Variants in UNC13C observed in about 807,000 individuals in gnomAD.
UNC13C encodes the protein unc-13 homolog C.
Under a neutral mutation model 245.4 loss-of-function variants are expected in UNC13C, and 174 were observed. The ratio of observed to expected loss-of-function variants is 0.71; its 90% CI spans 0.63 to 0.80. The LOEUF (loss-of-function observed/expected upper bound fraction) is 0.80. Among genes scored for constraint, UNC13C ranks in the 30% least tolerant of loss-of-function variants. The pLI is 0.00. For synonymous variants in UNC13C, 992 were observed against 895.1 expected, an observed-to-expected ratio of 1.11 and a Z score of -1.93; for missense variants, 2,829 against 2,602.9, an observed-to-expected ratio of 1.09 and a Z score of -1.89.
At chr15:54,174,233 A>G (rs536169270) in intron 4 of UNC13C, among the ~76,000 whole-genome samples, 2 of 152,236 alleles carry the variant, frequency 1.3e-5, no homozygotes, top group South Asian at 4.1e-4. Flanking sequence ...ATAAAGAGGT[A>G]TTCTTTCTTC....
Position 54,300,392 on chromosome 15 carries a change from T to C in UNC13C, c.4268+19T>C. 1 of 1,552,788 alleles carries C rather than the reference T, an allele frequency of 6.4e-7. No homozygotes were observed. Among genetic ancestry groups the C allele is most frequent in the Non-Finnish European group, 8.7e-7 (1 of 1,146,160 alleles). ...CTATGACGTAAGTACTACAGAACAT[T>C]TACATGGTCAATATCTCTATTAAAA... On this transcript the variant is annotated intron_variant, in intron 13 of 32. Coordinates refer to ENST00000260323, the MANE Select transcript of UNC13C (RefSeq NM_001080534.3).
intron 2 of UNC13C, among the ~76,000 whole-genome samples, chr15:54,117,116 T>TTTGTTG (rs533673515): frequency 7.9e-5 from 12 of 152,044 alleles, no homozygotes; most frequent in Admixed American, 7.2e-4. Flanking sequence ...CCGATTAGTT[T>TTTGTTG]TTGTTGTTGT....
chr15:53,967,172 G>C, the UNC13C span, among the ~76,000 whole-genome samples: 54 of 151,764 alleles, frequency 3.6e-4, no homozygotes, highest in Non-Finnish European at 7.1e-4. Context: ...TTTATGTTTT[G>C]TGAGCCTGTC....
At position 54,623,784 on chromosome 15, in the gene UNC13C, C is replaced by CTT; in HGVS notation, c.6200-4_6200-3dup. ...TCTGTTTGCTAAAATGTGATATTTC[C>CTT]TTTTTTTTAGTGATTGCTATTAATG... On this transcript the variant is annotated splice_polypyrimidine_tract_variant and intron_variant, in intron 31 of 32. Coordinates refer to ENST00000260323, the MANE Select transcript of UNC13C (RefSeq NM_001080534.3). The CTT allele has an allele frequency of 6.3e-7, 1 of 1,577,772 alleles. No homozygotes were observed. The highest frequency in any genetic ancestry group is 1.4e-5 in the African/African-American group (1 of 73,922).
intron 30 of UNC13C, among the ~76,000 whole-genome samples, chr15:54,576,292 G>A (rs963127420): frequency 8.5e-5 from 13 of 152,136 alleles, no homozygotes; most frequent in East Asian, 1.9e-4. Flanking sequence ...GTTTTCATCC[G>A]AAAGAAATCA....
intron 19 of UNC13C, among the ~76,000 whole-genome samples, chr15:54,416,614 T>C (rs77897852): frequency 0.016 from 2,423 of 152,240 alleles, 54 homozygotes; most frequent in African/African-American, 0.053. Context: ...CCCAAGATTC[T>C]CTTACATCAG....
intron 1 of UNC13C, among the ~76,000 whole-genome samples, chr15:53,998,843 T>C (rs1034777770): frequency 1.3e-5 from 2 of 152,218 alleles, no homozygotes; most frequent in African/African-American, 4.8e-5. Flanking sequence ...CTTTTTTTTC[T>C]TTACATGTAC....
At chr15:54,241,786 G>T (rs76319222) in intron 7 of UNC13C, among the ~76,000 whole-genome samples, 11 of 152,292 alleles carry the variant, frequency 7.2e-5, no homozygotes, top group Admixed American at 2.6e-4. Context: ...TGTGATCGGG[G>T]CTGCAGAATA....
chr15:54,329,984 C>T (rs185853879), intron 14 of UNC13C, among the ~76,000 whole-genome samples: 1 of 152,140 alleles, frequency 6.6e-6, no homozygotes, highest in South Asian at 2.1e-4. Context: ...GCTGGTATAG[C>T]TGCTCAGTAT....
chr15:53,888,134 C>T, the UNC13C span, among the ~76,000 whole-genome samples: 1 of 152,196 alleles, frequency 6.6e-6, no homozygotes, highest in African/African-American at 2.4e-5. Context: ...ACTGCACTGT[C>T]TTCCACAATG....
At chr15:53,855,497 A>G in the UNC13C span, among the ~76,000 whole-genome samples, 1 of 152,212 alleles carries the variant, frequency 6.6e-6, no homozygotes, top group Non-Finnish European at 1.5e-5. Flanking sequence ...AAGAGTTTTT[A>G]AAATGAAAGG....
chr15:54,559,124 A>C (rs1175674720), intron 29 of UNC13C, among the ~76,000 whole-genome samples: 1 of 152,078 alleles, frequency 6.6e-6, no homozygotes, highest in African/African-American at 2.4e-5. Flanking sequence ...TTTCTCCAAA[A>C]ACAATAAACA....
chr15:54,498,484 T>C (rs1228668009), intron 20 of UNC13C, among the ~76,000 whole-genome samples: 3 of 152,130 alleles, frequency 2.0e-5, no homozygotes, highest in Non-Finnish European at 2.9e-5. Flanking sequence ...AATTAAGTGC[T>C]AATAAAATAT....
the UNC13C span, among the ~76,000 whole-genome samples, chr15:53,945,970 G>A: frequency 1.3e-5 from 2 of 152,050 alleles, no homozygotes; most frequent in Non-Finnish European, 2.9e-5. Context: ...CACCTCCCTG[G>A]TTAGCTATGT....
chr15:53,884,588 G>C, the UNC13C span, among the ~76,000 whole-genome samples: 5 of 152,120 alleles, frequency 3.3e-5, no homozygotes, highest in Admixed American at 6.6e-5. Flanking sequence ...TCCTGCCATG[G>C]CCTCCCAAAA....
At chr15:54,334,054 C>A (rs889789737) in intron 16 of UNC13C, among the ~76,000 whole-genome samples, 198 bp downstream of exon 16, 2 of 152,116 alleles carry the variant, frequency 1.3e-5, no homozygotes, top group African/African-American at 4.8e-5. Flanking sequence ...ACTTAAAATA[C>A]TCTGATACAT....
At chr15:54,542,622 G>A (rs567377265) in intron 26 of UNC13C, among the ~76,000 whole-genome samples, 1 of 152,104 alleles carries the variant, frequency 6.6e-6, no homozygotes, top group African/African-American at 2.4e-5. Context: ...CACTATTATT[G>A]TATGGGAGAC....
At chr15:54,361,578 C>T (rs1038208846) in intron 17 of UNC13C, among the ~76,000 whole-genome samples, 3 of 152,168 alleles carry the variant, frequency 2.0e-5, no homozygotes, top group Admixed American at 6.6e-5. Context: ...GCATTGATGT[C>T]TTCACATTTG....
intron 18 of UNC13C, 48 bp downstream of exon 18, chr15:54,393,229 C>A: frequency 2.1e-6 from 3 of 1,418,534 alleles, no homozygotes; most frequent in South Asian, 1.7e-5. Flanking sequence ...CACTAAAGTT[C>A]AAATAATACA....
Sources: allele counts gnomAD v4.1 joint callset (sites outside exome capture counted in the v4.1 genomes callset), GRCh38; gene constraint gnomAD v4.1.1; transcripts MANE v1.5; gene names NCBI Gene and HGNC (gene_info 2026-07-23, HGNC 2026-07-21).